CCZ1: variants seen among roughly 807,000 people sequenced by gnomAD.
CCZ1 encodes CCZ1 vacuolar protein trafficking and biogenesis associated, also known as vacuolar fusion protein CCZ1 homolog.
In CCZ1, 19 loss-of-function variants were observed where a neutral mutation model predicts 57.8. That is an observed-to-expected ratio of 0.33 (90% CI 0.23 to 0.48). The LOEUF (loss-of-function observed/expected upper bound fraction) is 0.48, where lower values mean the gene tolerates loss of function less well. Among genes scored for constraint, CCZ1 ranks in the 20% least tolerant of loss-of-function variants. The pLI, the probability that CCZ1 is intolerant of heterozygous loss-of-function variation, is 0.99. For synonymous variants in CCZ1, 81 were observed against 167.0 expected (o/e 0.49, Z 3.97); for missense variants, 200 against 492.0 (o/e 0.41, Z 5.61).
At chr7:5,913,467 C>A (rs542631655) in intron 10 of CCZ1, among the ~76,000 whole-genome samples, 1 of 151,712 alleles carries the variant, frequency 6.6e-6, no homozygotes, top group African/African-American at 2.4e-5. Context: ...TCTCCTCTTT[C>A]CTGCCTGAGG....
chr7:5,908,821 C>A (rs1224399278), intron 7 of CCZ1, among the ~76,000 whole-genome samples: 2 of 143,962 alleles, frequency 1.4e-5, no homozygotes, highest in Non-Finnish European at 3.0e-5. Context: ...CTTCCTGCCT[C>A]ATTTCAGATC....
chr7:5,912,540 C>T (rs1779061259), intron 9 of CCZ1, among the ~76,000 whole-genome samples: 1 of 146,846 alleles, frequency 6.8e-6, no homozygotes, highest in Non-Finnish European at 1.5e-5. Context: ...GCTGGGATTG[C>T]AGGTGCCCAC....
Position 5,909,890 on chromosome 7 carries a change from C to T in CCZ1, c.699-145C>T, listed in dbSNP as rs775594317. ...ATAGATTGCTTTGAGTTTTAAGTAG[C>T]TTTAGACTTTAAAAAGTTAGAATTT... is the stretch of plus-strand genomic sequence containing the variant. On this transcript the variant is annotated intron_variant, in intron 7 of 14. Transcript: ENST00000325974. 1.4e-3 allele frequency: 900 copies of T among 638,406 alleles called. 1 individual carries two copies. Among genetic ancestry groups the T allele is most frequent in the Non-Finnish European group, 2.2e-3 (799 of 368,758 alleles). The allele number at this position is 638,406 out of a possible 1,614,324, so 39.5% of individuals were successfully genotyped here. A position where few individuals can be genotyped will look rare whatever the true frequency, so the allele number is the denominator to read the frequency against.
At chr7:5,906,315 C>G (rs1182898228) in intron 7 of CCZ1, among the ~76,000 whole-genome samples, 1 of 110,064 alleles carries the variant, frequency 9.1e-6, no homozygotes, top group Admixed American at 9.4e-5. Flanking sequence ...AGCCCACTTT[C>G]TTTCTTTCTT....
intron 7 of CCZ1, among the ~76,000 whole-genome samples, chr7:5,909,211 T>C (rs1781908525): frequency 6.7e-6 from 1 of 148,494 alleles, no homozygotes; most frequent in Admixed American, 6.7e-5. Context: ...AGTTTAACCC[T>C]TTACCTTCCT....
In CCZ1 at chr7:5,905,074, C is replaced by T. The variant is rs1283622006; in HGVS notation, c.523-20C>T. ...CAGTGTACTATTAGTAAATTTTATG[C>T]CTTATTTTTTTTCCCACAGTATTTG... On this transcript the variant is annotated intron_variant, in intron 6 of 14. Transcript: ENST00000325974. The T allele has an allele frequency of 6.9e-6, 11 of 1,598,276 alleles. 1 individual carries two copies. Among genetic ancestry groups the T allele is most frequent in the African/African-American group, 4.2e-5 (3 of 71,246 alleles).
chr7:5,907,008 C>T (rs1198835926), intron 7 of CCZ1, among the ~76,000 whole-genome samples: 1 of 148,460 alleles, frequency 6.7e-6, no homozygotes, highest in Non-Finnish European at 1.5e-5. Context: ...GCTGGGATTA[C>T]AGGTGCATAC....
chr7:5,905,921 T>TTTC (rs1375742084), intron 7 of CCZ1, among the ~76,000 whole-genome samples: 1 of 140,006 alleles, frequency 7.1e-6, no homozygotes, highest in Non-Finnish European at 1.5e-5. Flanking sequence ...TTTTTTTCTT[T>TTTC]CTTATAGAGA....
chr7:5,919,836 C>G lies in CCZ1; in HGVS notation c.989-13C>G. 3.7e-6 allele frequency: 6 copies of G among 1,611,204 alleles called. No homozygotes were observed. The highest frequency in any genetic ancestry group is 1.3e-5 in the African/African-American group (1 of 74,776). On this transcript the variant is annotated splice_polypyrimidine_tract_variant and intron_variant, in intron 11 of 14. Transcript: ENST00000325974. ...AATGAATCTTACTGGTATTTTTTGTCATGACTTGCCAGCCTCTGTCCACCC... is the reference window on the plus strand; with the variant it reads ...AATGAATCTTACTGGTATTTTTTGTGATGACTTGCCAGCCTCTGTCCACCC...
intron 7 of CCZ1, 143 bp downstream of exon 7, chr7:5,905,412 A>G (rs1487871243): frequency 1.7e-6 from 1 of 580,804 alleles, no homozygotes; most frequent in Non-Finnish European, 3.0e-6. Context: ...TTGTCAAAAT[A>G]AAGCAGTGAT....
chr7:5,912,463 G>A (rs1353022315), intron 9 of CCZ1, among the ~76,000 whole-genome samples: 2 of 117,076 alleles, frequency 1.7e-5, no homozygotes, highest in African/African-American at 3.4e-5. Flanking sequence ...ACAGTGGCAC[G>A]ATCTCAGCTC....
Position 5,902,853 on chromosome 7 carries a change from A to T in CCZ1, c.522+109A>T, listed in dbSNP as rs529029285. 90 of 1,338,268 alleles carry T rather than the reference A, an allele frequency of 6.7e-5. 1 individual carries two copies. Among genetic ancestry groups the T allele is most frequent in the Non-Finnish European group, 8.7e-5 (87 of 1,004,512 alleles). The allele number at this position is 1,338,268 out of a possible 1,614,324, so 82.9% of individuals were successfully genotyped here. On this transcript the variant is annotated intron_variant, in intron 6 of 14. Coordinates refer to ENST00000325974, the MANE Select transcript of CCZ1 (RefSeq NM_015622.6). ...ATATACAAAAAACCCAGAACTTGAA[A>T]GTGGCAAAGAGCCTGAGACAGACCG...
chr7:5,914,333 G>A (rs780311092), intron 10 of CCZ1, among the ~76,000 whole-genome samples: 11 of 148,574 alleles, frequency 7.4e-5, no homozygotes, highest in Non-Finnish European at 1.6e-4. Context: ...CTACTCAGGA[G>A]GCTGAGGCAG....
chr7:5,901,751 T>C (rs567970165), intron 5 of CCZ1, 47 bp downstream of exon 5: 1 of 1,593,120 alleles, frequency 6.3e-7, no homozygotes, highest in South Asian at 1.1e-5. Flanking sequence ...CACTTACCCC[T>C]ATCTCTAGGC....
chr7:5,925,460 C>T (rs1481975399), intron 14 of CCZ1, 172 bp from the exon 15 acceptor site: 3 of 623,934 alleles, frequency 4.8e-6, no homozygotes, highest in African/African-American at 2.3e-5. Flanking sequence ...GAGCAAGACT[C>T]TGTCTCAAAC....
At chr7:5,909,945 A>C (rs1781930548) in intron 7 of CCZ1, 90 bp from the exon 8 acceptor site, 4 of 1,165,854 alleles carry the variant, frequency 3.4e-6, no homozygotes, top group Non-Finnish European at 4.9e-6. Flanking sequence ...GACTTGAAAA[A>C]AAAATTTTTG....
intron 8 of CCZ1, among the ~76,000 whole-genome samples, chr7:5,911,377 C>G (rs62453611): frequency 6.7e-6 from 1 of 148,634 alleles, no homozygotes; most frequent in Admixed American, 6.6e-5. Flanking sequence ...TTTGTTGACT[C>G]GCATGGTCTC....
intron 10 of CCZ1, among the ~76,000 whole-genome samples, chr7:5,913,434 A>C (rs1199556213): frequency 1.9e-3 from 292 of 150,392 alleles, no homozygotes; most frequent in African/African-American, 6.9e-3. Context: ...TTCAAGAAAG[A>C]AGACGGAGCA....
chr7:5,906,353 T>C (rs1781822614), intron 7 of CCZ1, among the ~76,000 whole-genome samples: 1 of 140,448 alleles, frequency 7.1e-6, no homozygotes, highest in African/African-American at 2.7e-5. Flanking sequence ...AGACGGAGTC[T>C]CACTCTGTTG....
Sources: allele counts gnomAD v4.1 joint callset (sites outside exome capture counted in the v4.1 genomes callset), GRCh38; gene constraint gnomAD v4.1.1; transcripts MANE v1.5; gene names NCBI Gene and HGNC (gene_info 2026-07-23, HGNC 2026-07-21).